Variants in MAP7 observed in about 807,000 individuals in gnomAD.
MAP7 encodes ensconsin.
A neutral mutation model predicts 94.8 loss-of-function variants in MAP7; 52 were observed. That is an observed-to-expected ratio of 0.55 (90% CI 0.44 to 0.69). MAP7 has a LOEUF of 0.69. Among genes scored for constraint, MAP7 ranks in the 30% least tolerant of loss-of-function variants. MAP7 has a pLI of 0.00. For synonymous variants in MAP7, 350 were observed against 357.0 expected (o/e 0.98, Z 0.22); for missense variants, 940 against 964.6 (o/e 0.97, Z 0.34).
chr6:136,483,361 G>A (rs1176698858), intron 1 of MAP7, among the ~76,000 whole-genome samples: 1 of 151,876 alleles, frequency 6.6e-6, no homozygotes, highest in Non-Finnish European at 1.5e-5. Flanking sequence ...CCTTCTTGAG[G>A]GTGAAGGGCG....
At chr6:136,472,853 ATAAAAAAAT>A (rs1414311261) in intron 1 of MAP7, among the ~76,000 whole-genome samples, 2 of 152,100 alleles carry the variant, frequency 1.3e-5, no homozygotes, top group Non-Finnish European at 2.9e-5. Flanking sequence ...ATAAATAAAA[ATAAAAAAAT>A]TAAAAAAACA....
intron 15 of MAP7, among the ~76,000 whole-genome samples, chr6:136,358,615 C>T (rs2128554748): frequency 6.6e-6 from 1 of 152,212 alleles, no homozygotes; most frequent in African/African-American, 2.4e-5. Context: ...TTTGAAAACC[C>T]TTAATGTTTA....
At chr6:136,420,798 T>G (rs959988668) in intron 2 of MAP7, among the ~76,000 whole-genome samples, 9 of 130,662 alleles carry the variant, frequency 6.9e-5, no homozygotes, top group Non-Finnish European at 1.3e-4. Flanking sequence ...TCTGTTGTGT[T>G]CAAGACCTTT....
chr6:136,496,079 T>G (rs1205664997), intron 1 of MAP7, among the ~76,000 whole-genome samples: 5 of 152,330 alleles, frequency 3.3e-5, no homozygotes, highest in African/African-American at 1.2e-4. Flanking sequence ...CCATGTTATG[T>G]TACTGAACAG....
chr6:136,443,675 C>T (rs775644606), intron 1 of MAP7, among the ~76,000 whole-genome samples: 34 of 152,018 alleles, frequency 2.2e-4, no homozygotes, highest in Non-Finnish European at 4.3e-4. Flanking sequence ...GTTTCAAACT[C>T]CTGACCTCAA....
intron 8 of MAP7, among the ~76,000 whole-genome samples, chr6:136,367,060 TA>T (rs1284884422): frequency 6.6e-6 from 1 of 152,212 alleles, no homozygotes; most frequent in African/African-American, 2.4e-5. Context: ...TTCAGCTATT[TA>T]TTTTTTTGCT....
rs1345964631 is a variant in MAP7, at chr6:136,351,236, T to C, written c.2016-5157A>G. Among the ~76,000 whole-genome samples the C allele has an allele frequency of 4.2e-5, 5 of 120,214 alleles. No homozygotes were observed. In the South Asian group the frequency reaches 9.8e-4, roughly 24 times the overall value. The allele number at this position is 120,214 out of a possible 152,430, so 78.9% of individuals were successfully genotyped here. On this transcript the variant is annotated intron_variant, in intron 16 of 17. Transcript: ENST00000354570. The stretch of plus-strand genomic sequence containing the variant: ...ATACTGACTCCTTGTGTTTTGATGG[T>C]AAAAAAAAAAAAAAAAACGAAAAAA...
chr6:136,499,841 TTAAAA>T (rs1562465700), intron 1 of MAP7, among the ~76,000 whole-genome samples: 1 of 151,768 alleles, frequency 6.6e-6, no homozygotes, highest in East Asian at 1.9e-4. Flanking sequence ...TCTACAAAAA[TTAAAA>T]TGAGCTGGGC....
intron 1 of MAP7, among the ~76,000 whole-genome samples, chr6:136,470,246 C>A (rs990398432): frequency 1.3e-5 from 2 of 151,762 alleles, no homozygotes; most frequent in Non-Finnish European, 2.9e-5. Flanking sequence ...TTTTGTAAAA[C>A]GGGAACTCTG....
intron 1 of MAP7, among the ~76,000 whole-genome samples, chr6:136,485,770 A>G (rs918629177): frequency 6.6e-6 from 1 of 150,926 alleles, no homozygotes; most frequent in African/African-American, 2.4e-5. Context: ...CACCATTTTA[A>G]CCGGGATGGT....
intron 16 of MAP7, among the ~76,000 whole-genome samples, chr6:136,346,652 T>C (rs774164494): frequency 9.2e-5 from 14 of 152,254 alleles, no homozygotes; most frequent in Non-Finnish European, 1.9e-4. Flanking sequence ...TCATCATTAA[T>C]AGAAATAAAT....
At chr6:136,548,573 A>C (rs1441002255) in intron 1 of MAP7, among the ~76,000 whole-genome samples, 1 of 152,226 alleles carries the variant, frequency 6.6e-6, no homozygotes, top group Non-Finnish European at 1.5e-5. Flanking sequence ...ATAACAGCCA[A>C]TTTAACTCCC....
chr6:136,360,016 TA>T lies in MAP7; in HGVS notation c.1818del (p.Met607Ter). 1 of 1,613,174 alleles carries T rather than the reference TA, an allele frequency of 6.2e-7. No individual in the cohort carries two copies. The highest frequency in any genetic ancestry group is 8.5e-7 in the Non-Finnish European group (1 of 1,179,774). ...RLERKKRLEE[I>X]MKRTRRTEAT... ...GCTTCTGTTCTCCTGGTTCTTTTCA[TA>T]ATCTCCTCAAGTCGCTATAGGAAAG... is the stretch of plus-strand genomic sequence containing the variant. On this transcript the variant is annotated frameshift_variant, in exon 14 of 18. Coordinates refer to ENST00000354570, the MANE Select transcript of MAP7 (RefSeq NM_003980.6). LOFTEE classifies it high-confidence loss of function.
At chr6:136,423,805 T>TTA (rs1792267791) in intron 1 of MAP7, among the ~76,000 whole-genome samples, 1 of 151,108 alleles carries the variant, frequency 6.6e-6, no homozygotes, top group South Asian at 2.1e-4. Context: ...GTTTTTTTGT[T>TTA]TTGTTTTTTG....
At chr6:136,450,358 GA>G (rs1186778017) in intron 1 of MAP7, among the ~76,000 whole-genome samples, 1 of 151,594 alleles carries the variant, frequency 6.6e-6, no homozygotes, top group African/African-American at 2.4e-5. Context: ...CATAAACATA[GA>G]TTTTTTTTTA....
chr6:136,499,076 C>T (rs1000249276), intron 1 of MAP7, among the ~76,000 whole-genome samples: 6 of 152,006 alleles, frequency 3.9e-5, no homozygotes, highest in Admixed American at 3.3e-4. Context: ...CGCACCACTA[C>T]GCCCTGCTAA....
chr6:136,492,203 G>A (rs969218341), intron 1 of MAP7, among the ~76,000 whole-genome samples: 6 of 152,152 alleles, frequency 3.9e-5, no homozygotes, highest in Admixed American at 6.5e-5. Flanking sequence ...GATCCCTTGC[G>A]TGAGCAGACA....
chr6:136,478,891 C>T (rs1811796989), intron 1 of MAP7, among the ~76,000 whole-genome samples: 1 of 148,476 alleles, frequency 6.7e-6, no homozygotes, highest in Non-Finnish European at 1.5e-5. Context: ...GCTAATCCTA[C>T]TCAAATTTTT....
At chr6:136,431,190 ATTTC>A (rs1794783964) in intron 1 of MAP7, among the ~76,000 whole-genome samples, 1 of 152,056 alleles carries the variant, frequency 6.6e-6, no homozygotes, top group South Asian at 2.1e-4. Flanking sequence ...CCACCATCAC[ATTTC>A]TTTCTCTGAC....
Sources: allele counts gnomAD v4.1 joint callset (sites outside exome capture counted in the v4.1 genomes callset), GRCh38; gene constraint gnomAD v4.1.1; transcripts MANE v1.5; gene names NCBI Gene and HGNC (gene_info 2026-07-23, HGNC 2026-07-21).